GRIA3: variants seen among roughly 807,000 people sequenced by gnomAD.
GRIA3 encodes glutamate ionotropic receptor AMPA type subunit 3.
GRIA3 carries 3 observed loss-of-function variants against 63.0 expected under a neutral mutation model. The ratio of observed to expected loss-of-function variants is 0.05; its 90% CI spans 0.02 to 0.12. GRIA3 has a LOEUF of 0.12. Ranked by LOEUF, GRIA3 falls within the 10% of genes least tolerant of loss-of-function variation. GRIA3 has a pLI of 1.00. For synonymous variants in GRIA3, 274 were observed against 257.9 expected (o/e 1.06, Z -0.60); for missense variants, 347 against 700.9 (o/e 0.50, Z 5.70).
chrX:123,191,919 T>A (rs767446230), intron 2 of GRIA3, among the ~76,000 whole-genome samples: 2 of 111,316 alleles, frequency 1.8e-5, no homozygotes, highest in Non-Finnish European at 3.8e-5. Context: ...AACTAGGGAC[T>A]ATGGGAAACA....
In GRIA3 at chrX:123,482,795, T is replaced by C; in HGVS notation, c.2440-4T>C. ...GATCTAATCACGTTGTTCATTTCTC[T>C]TAGGACAAGACCAGCGCTCTGAGCC... On this transcript the variant is annotated splice_polypyrimidine_tract_variant and splice_region_variant and intron_variant, in intron 14 of 15. Coordinates refer to ENST00000620443, the MANE Select transcript of GRIA3 (RefSeq NM_007325.5). 1 of 1,211,161 alleles carries C rather than the reference T, an allele frequency of 8.3e-7. No individual in the cohort carries two copies. The highest frequency in any genetic ancestry group is 2.3e-4 in the Middle Eastern group (1 of 4,344).
intron 15 of GRIA3, among the ~76,000 whole-genome samples, chrX:123,484,446 TG>T (rs1438085859): frequency 9.0e-6 from 1 of 111,424 alleles, no homozygotes; most frequent in African/African-American, 3.3e-5. Context: ...TTGTTGTTGT[TG>T]TTGTTTTGTT....
intron 12 of GRIA3, among the ~76,000 whole-genome samples, chrX:123,439,600 A>G (rs2147409557): frequency 9.1e-6 from 1 of 109,960 alleles, no homozygotes; most frequent in South Asian, 3.9e-4. Context: ...TTTTTAATTA[A>G]GGTATGTTAC....
chrX:123,378,942 G>A (rs2045304279), intron 5 of GRIA3, among the ~76,000 whole-genome samples: 1 of 110,400 alleles, frequency 9.1e-6, no homozygotes, highest in Non-Finnish European at 1.9e-5. Context: ...TAAATGTATG[G>A]GGTATAAGTG....
chrX:123,306,107 C>A (rs966993566), intron 3 of GRIA3, among the ~76,000 whole-genome samples: 1 of 112,055 alleles, frequency 8.9e-6, no homozygotes, highest in Admixed American at 9.4e-5. Context: ...AGCTTAAGTT[C>A]TTTTCTTATT....
chrX:123,261,608 G>C (rs1372416005), intron 3 of GRIA3, among the ~76,000 whole-genome samples: 1 of 111,545 alleles, frequency 9.0e-6, no homozygotes, highest in Non-Finnish European at 1.9e-5. Context: ...TGGTGCTACT[G>C]TCAGGAGATG....
chrX:123,327,070 G>A (rs1214673577), intron 4 of GRIA3, among the ~76,000 whole-genome samples: 1 of 110,627 alleles, frequency 9.0e-6, no homozygotes, highest in African/African-American at 3.3e-5. Context: ...GGAGACTGAG[G>A]CACGAGAATC....
At chrX:123,422,136 A>G (rs755605866) in intron 11 of GRIA3, among the ~76,000 whole-genome samples, 2 of 111,956 alleles carry the variant, frequency 1.8e-5, no homozygotes, top group African/African-American at 6.5e-5. Flanking sequence ...CTCTAAAGAA[A>G]CTCTACCTTT....
chrX:123,351,780 G>A (rs2045096036), intron 4 of GRIA3, among the ~76,000 whole-genome samples: 1 of 112,096 alleles, frequency 8.9e-6, no homozygotes, highest in Non-Finnish European at 1.9e-5. Flanking sequence ...TAAGAGTTAA[G>A]GCACTGAAAG....
At chrX:123,238,046 T>G (rs971835037) in intron 2 of GRIA3, among the ~76,000 whole-genome samples, 3 of 112,122 alleles carry the variant, frequency 2.7e-5, no homozygotes, top group Non-Finnish European at 3.8e-5. Context: ...ATGTGTAATC[T>G]GGCTGGCCTA....
intron 12 of GRIA3, among the ~76,000 whole-genome samples, chrX:123,463,564 AAGGAAGGAAGGAAGGGAGGG>A (rs2045805941): frequency 3.2e-5 from 1 of 30,771 alleles, no homozygotes; most frequent in Non-Finnish European, 5.2e-5. Context: ...GGAAGGAAGG[AAGGAAGGAAGGAAGGGAGGG>A]AGGGAGGGAG....
chrX:123,236,663 T>C (rs1233260984), intron 2 of GRIA3, among the ~76,000 whole-genome samples: 1 of 110,241 alleles, frequency 9.1e-6, no homozygotes, highest in Non-Finnish European at 1.9e-5. Context: ...CCACAAAACA[T>C]CTCTTTAGGG....
At chrX:123,434,962 G>A (rs1017519449) in intron 12 of GRIA3, among the ~76,000 whole-genome samples, 1 of 112,486 alleles carries the variant, frequency 8.9e-6, no homozygotes, top group African/African-American at 3.2e-5. Flanking sequence ...CAGTCTTTCA[G>A]TAACTTTTGA....
At chrX:123,319,975 A>G (rs188855456) in intron 3 of GRIA3, among the ~76,000 whole-genome samples, 1 of 112,197 alleles carries the variant, frequency 8.9e-6, no homozygotes, top group East Asian at 2.8e-4. Context: ...AGAAATCATT[A>G]TTTTATTGCT....
At chrX:123,219,292 G>A (rs914461207) in intron 2 of GRIA3, among the ~76,000 whole-genome samples, 1 of 112,350 alleles carries the variant, frequency 8.9e-6, no homozygotes, top group African/African-American at 3.2e-5. Context: ...AACTGAGTCT[G>A]AGGCAAAGTG....
At chrX:123,376,526 AT>A (rs1454548291) in intron 5 of GRIA3, among the ~76,000 whole-genome samples, 1 of 112,504 alleles carries the variant, frequency 8.9e-6, no homozygotes, top group East Asian at 2.8e-4. Context: ...CTGGGAATAT[AT>A]GATAGAAAAC....
intron 3 of GRIA3, among the ~76,000 whole-genome samples, chrX:123,274,969 G>A (rs972119824): frequency 1.8e-5 from 2 of 111,330 alleles, no homozygotes; most frequent in Non-Finnish European, 3.8e-5. Flanking sequence ...AGTCAGTCCA[G>A]TCCAGTGGCT....
chrX:123,184,659 GC>G lies in GRIA3; in HGVS notation c.109+17del. 9.0e-7 allele frequency: 1 copy of G among 1,110,191 alleles called. No individual in the cohort carries two copies. The highest frequency in any genetic ancestry group is 1.2e-6 in the Non-Finnish European group (1 of 803,550). 91.5% of individuals were successfully genotyped at this position (1,110,191 alleles called of 1,213,427 possible). On this transcript the variant is annotated intron_variant, in intron 1 of 15. Coordinates refer to ENST00000620443, the MANE Select transcript of GRIA3 (RefSeq NM_007325.5). Reference sequence around the variant, plus strand: ...CATCAGCATAGGTAAGCGCAAGCGAGCCAGCCGTCGGTCCAGGCTCTCCCTC... The same window carrying G: ...CATCAGCATAGGTAAGCGCAAGCGAGCAGCCGTCGGTCCAGGCTCTCCCTC...
chrX:123,462,683 G>T (rs1181766022), intron 12 of GRIA3, among the ~76,000 whole-genome samples: 1 of 111,507 alleles, frequency 9.0e-6, no homozygotes, highest in Non-Finnish European at 1.9e-5. Flanking sequence ...GGAATTATTT[G>T]GGCAGGTCCA....
Sources: gnomAD v4.1 joint callset for allele counts (sites outside exome capture counted in the v4.1 genomes callset) on GRCh38, gnomAD v4.1.1 for gene constraint, MANE v1.5 for transcripts, NCBI Gene and HGNC (gene_info 2026-07-23, HGNC 2026-07-21) for gene names.